GLIS3: variants seen among roughly 807,000 people sequenced by gnomAD.
The protein encoded by GLIS3 is zinc finger protein GLIS3.
Under a neutral mutation model 78.6 loss-of-function variants are expected in GLIS3, and 53 were observed. That is an observed-to-expected ratio of 0.67 (90% CI 0.54 to 0.85). GLIS3 has a LOEUF of 0.85. Ranked by LOEUF, GLIS3 falls within the 40% of genes least tolerant of loss-of-function variation. The pLI is 0.00. For missense variants in GLIS3, 1,703 were observed against 1,231.1 expected, an observed-to-expected ratio of 1.38 and a Z score of -5.74; for synonymous variants, 684 against 509.9, an observed-to-expected ratio of 1.34 and a Z score of -4.60.
At chr9:3,904,322 C>CAA (rs145395471) in intron 6 of GLIS3, among the ~76,000 whole-genome samples, 2 of 152,266 alleles carry the variant, frequency 1.3e-5, no homozygotes, top group East Asian at 3.9e-4. Flanking sequence ...GCAAAAGAAA[C>CAA]TAAAGTTTCA....
At chr9:4,112,446 C>G (rs1831296914) in intron 4 of GLIS3, among the ~76,000 whole-genome samples, 1 of 152,172 alleles carries the variant, frequency 6.6e-6, no homozygotes, top group Non-Finnish European at 1.5e-5. Context: ...TTATCTAGCA[C>G]TAATGTTAGA....
chr9:4,005,570 G>T (rs974056841), intron 4 of GLIS3, among the ~76,000 whole-genome samples: 1 of 152,138 alleles, frequency 6.6e-6, no homozygotes, highest in African/African-American at 2.4e-5. Context: ...TCAATAAAGT[G>T]GGGATAAGAA....
intron 1 of GLIS3, among the ~76,000 whole-genome samples, chr9:4,294,399 C>T (rs888959255): frequency 6.6e-6 from 1 of 152,054 alleles, no homozygotes; most frequent in South Asian, 2.1e-4. Flanking sequence ...ATCCCAACTA[C>T]TTGGGAGGCT....
chr9:3,965,193 C>CTTTTTTT (rs34951383), intron 4 of GLIS3, among the ~76,000 whole-genome samples: 50 of 100,152 alleles, frequency 5.0e-4, no homozygotes, highest in African/African-American at 5.9e-4. Flanking sequence ...CTTTTCTTTT[C>CTTTTTTT]TTTTTTTTTT....
the GLIS3 span, among the ~76,000 whole-genome samples, chr9:4,401,282 A>G: frequency 6.6e-6 from 1 of 152,282 alleles, no homozygotes; most frequent in African/African-American, 2.4e-5. Context: ...TTTTTGAGAC[A>G]GAGTTTCACT....
chr9:3,992,790 A>T (rs755884348), intron 4 of GLIS3, among the ~76,000 whole-genome samples: 1 of 152,212 alleles, frequency 6.6e-6, no homozygotes, highest in Non-Finnish European at 1.5e-5. Flanking sequence ...AAAACAAAAG[A>T]TCAGACAGTG....
intron 4 of GLIS3, among the ~76,000 whole-genome samples, chr9:4,110,674 C>T (rs1831135138): frequency 6.6e-6 from 1 of 152,144 alleles, no homozygotes; most frequent in South Asian, 2.1e-4. Flanking sequence ...ATCAAGCCTT[C>T]CCTACTCAGG....
intron 4 of GLIS3, among the ~76,000 whole-genome samples, chr9:3,971,319 T>C (rs1046169687): frequency 5.3e-5 from 8 of 152,222 alleles, no homozygotes; most frequent in Non-Finnish European, 8.8e-5. Flanking sequence ...TTCTATTTTA[T>C]GCTTTAATGG....
intron 2 of GLIS3, among the ~76,000 whole-genome samples, chr9:4,276,215 G>A (rs1374471674): frequency 6.7e-6 from 1 of 150,178 alleles, no homozygotes; most frequent in Non-Finnish European, 1.5e-5. Context: ...CCTAGGAGGT[G>A]GAGGTTGCAG....
chr9:4,459,138 AC>A, the GLIS3 span, among the ~76,000 whole-genome samples: 6 of 152,176 alleles, frequency 3.9e-5, no homozygotes. Flanking sequence ...AGACAGGGAG[AC>A]TATTTAGGAG....
At chr9:3,897,289 T>C (rs1394720833) in intron 7 of GLIS3, among the ~76,000 whole-genome samples, 2 of 152,304 alleles carry the variant, frequency 1.3e-5, no homozygotes, top group Admixed American at 1.3e-4. Flanking sequence ...CTTAGTAAGA[T>C]CATAGATTAA....
At chr9:4,374,571 TC>T in the GLIS3 span, among the ~76,000 whole-genome samples, 2 of 152,326 alleles carry the variant, frequency 1.3e-5, no homozygotes, top group Admixed American at 1.3e-4. Flanking sequence ...CTCTCTCACA[TC>T]CCTTTCTTGG....
At chr9:4,168,676 T>G (rs1401497108) in intron 2 of GLIS3, among the ~76,000 whole-genome samples, 1 of 152,250 alleles carries the variant, frequency 6.6e-6, no homozygotes, top group Non-Finnish European at 1.5e-5. Context: ...TGTATCATTT[T>G]CTGGTTTTAT....
chr9:3,917,345 G>T (rs752700156), intron 6 of GLIS3, among the ~76,000 whole-genome samples: 7 of 152,186 alleles, frequency 4.6e-5, no homozygotes, highest in Non-Finnish European at 7.3e-5. Flanking sequence ...ACTCAGCTGA[G>T]GCCAAGTTAG....
chr9:4,431,267 T>A, the GLIS3 span, among the ~76,000 whole-genome samples: 1 of 152,332 alleles, frequency 6.6e-6, no homozygotes, highest in Non-Finnish European at 1.5e-5. Flanking sequence ...TATTCGTGAA[T>A]CATGGAAAGA....
At chr9:3,936,936 A>G in intron 5 of GLIS3, 92 bp downstream of exon 5, 4 of 1,560,190 alleles carry the variant, frequency 2.6e-6, no homozygotes, top group Non-Finnish European at 3.5e-6. Context: ...CCTGCAGACC[A>G]TAAAGCAAAC....
intron 4 of GLIS3, among the ~76,000 whole-genome samples, chr9:3,984,816 T>G (rs1487921927): frequency 2.6e-5 from 4 of 152,154 alleles, no homozygotes; most frequent in Admixed American, 2.6e-4. Flanking sequence ...AGTGATTGAA[T>G]TGTGGGGGCG....
intron 6 of GLIS3, among the ~76,000 whole-genome samples, chr9:3,902,163 A>G (rs748765148): frequency 6.6e-6 from 1 of 152,140 alleles, no homozygotes; most frequent in Non-Finnish European, 1.5e-5. Flanking sequence ...TTGTGGTGAG[A>G]GTTAATTTGG....
chr9:4,251,931 C>A (rs1384702415), intron 2 of GLIS3, among the ~76,000 whole-genome samples: 9 of 152,142 alleles, frequency 5.9e-5, no homozygotes, highest in Non-Finnish European at 1.2e-4. Context: ...TTAATATTGG[C>A]CCCCACTCTC....
Sources: allele counts gnomAD v4.1 joint callset (sites outside exome capture counted in the v4.1 genomes callset), GRCh38; gene constraint gnomAD v4.1.1; transcripts MANE v1.5; gene names NCBI Gene and HGNC (gene_info 2026-07-23, HGNC 2026-07-21).